The following MECOM variants were observed in gnomAD, a reference collection of about 807,000 sequenced individuals.
The protein encoded by MECOM is MDS1 and EVI1 complex locus.
In MECOM, 13 loss-of-function variants were observed where a neutral mutation model predicts 116.3. The ratio of observed to expected loss-of-function variants is 0.11; its 90% CI spans 0.07 to 0.18. MECOM has a LOEUF of 0.18. Among genes scored for constraint, MECOM ranks in the 10% least tolerant of loss-of-function variants. MECOM has a pLI of 1.00. For missense variants in MECOM, 1,299 were observed against 1,509.0 expected (o/e 0.86, Z 2.31); for synonymous variants, 528 against 535.2 (o/e 0.99, Z 0.19).
intron 2 of MECOM, among the ~76,000 whole-genome samples, chr3:169,250,943 T>G (rs989508971): frequency 6.6e-6 from 1 of 152,210 alleles, no homozygotes; most frequent in Non-Finnish European, 1.5e-5. Context: ...AAGATTCATC[T>G]CTACGATAAT....
In MECOM at chr3:169,147,036, C is replaced by A. The variant is rs567523344; in HGVS notation, c.376-3204G>T. ...ATGAAGTCTTCTTTCGTCTGGGTGA[C>A]CCGGGTTTGGTGTGTTTTGGCTTTT... On this transcript the variant is annotated intron_variant, in intron 2 of 16. Transcript: ENST00000651503. 8.1e-6 allele frequency: 8 copies of A among 991,462 alleles called. No individual in the cohort carries two copies. The East Asian group carries it at 7.7e-4, about 96-fold the overall frequency. 61.4% of individuals were successfully genotyped at this position (991,462 alleles called of 1,614,324 possible). A position where few individuals can be genotyped will look rare whatever the true frequency, so the allele number is the denominator to read the frequency against.
chr3:169,607,181 C>G (rs894786077), intron 1 of MECOM, among the ~76,000 whole-genome samples: 2 of 152,200 alleles, frequency 1.3e-5, no homozygotes, highest in East Asian at 3.8e-4. Context: ...TTCTCCCAAG[C>G]GCCACAGCAG....
At chr3:169,310,407 T>C (rs1051530178) in intron 2 of MECOM, among the ~76,000 whole-genome samples, 2 of 152,228 alleles carry the variant, frequency 1.3e-5, no homozygotes, top group Non-Finnish European at 2.9e-5. Flanking sequence ...GGCTATTCCA[T>C]GTGTCTCAAC....
rs973930078 is a variant in MECOM, at chr3:169,360,128, C to T, written c.375+21059G>A. On this transcript the variant is annotated intron_variant, in intron 2 of 16. Coordinates refer to ENST00000651503, the MANE Select transcript of MECOM (RefSeq NM_004991.4). ...ACTTTCAACCATAAATCCTTAACCA[C>T]ATAATTCAAGTATACCCCTTCTAAT... Among the ~76,000 whole-genome samples the T allele has an allele frequency of 9.2e-5, 14 of 151,600 alleles. No individual in the cohort carries two copies. In the East Asian group the frequency reaches 2.7e-3, roughly 30 times the overall value.
chr3:169,499,346 CAAAAA>C (rs60302997), intron 1 of MECOM, among the ~76,000 whole-genome samples: 1 of 51,568 alleles, frequency 1.9e-5, no homozygotes, highest in Non-Finnish European at 3.6e-5. Flanking sequence ...AGATTACCCA[CAAAAA>C]AAAAAAAAAA....
At chr3:169,375,147 A>G (rs1347657203) in intron 2 of MECOM, among the ~76,000 whole-genome samples, 1 of 151,812 alleles carries the variant, frequency 6.6e-6, no homozygotes, top group African/African-American at 2.4e-5. Flanking sequence ...CCCAGGTAGA[A>G]AGAACAGTGT....
At chr3:169,221,979 T>C (rs934161808) in intron 2 of MECOM, among the ~76,000 whole-genome samples, 13 of 152,112 alleles carry the variant, frequency 8.5e-5, no homozygotes, top group Admixed American at 8.5e-4. Flanking sequence ...TATTCTAGTC[T>C]TACATTATAG....
chr3:169,321,540 C>CAAAAAA (rs112385413), intron 2 of MECOM, among the ~76,000 whole-genome samples: 1 of 136,870 alleles, frequency 7.3e-6, no homozygotes, highest in African/African-American at 2.6e-5. Context: ...GACTCCGTCT[C>CAAAAAA]AAAAAAAAAA....
At chr3:169,117,904 G>A (rs929746755) in intron 7 of MECOM, among the ~76,000 whole-genome samples, 5 of 137,148 alleles carry the variant, frequency 3.6e-5, no homozygotes, top group South Asian at 4.7e-4. Context: ...ATTGAGCCAC[G>A]TTATGTGTGA....
intron 1 of MECOM, among the ~76,000 whole-genome samples, chr3:169,467,365 G>A (rs1279750766): frequency 1.3e-5 from 2 of 152,062 alleles, no homozygotes; most frequent in East Asian, 3.8e-4. Context: ...ACCTGACTGG[G>A]GATGTAGTTG....
intron 2 of MECOM, among the ~76,000 whole-genome samples, chr3:169,164,709 A>G (rs1743307390): frequency 6.6e-6 from 1 of 152,158 alleles, no homozygotes; most frequent in Non-Finnish European, 1.5e-5. Flanking sequence ...ATGTATGCTA[A>G]TAAAAACAAT....
At chr3:169,422,099 A>T (rs142723511) in intron 1 of MECOM, among the ~76,000 whole-genome samples, 2 of 152,228 alleles carry the variant, frequency 1.3e-5, no homozygotes, top group African/African-American at 4.8e-5. Flanking sequence ...AAAAAGATAG[A>T]TGTTATCCTA....
chr3:169,607,852 C>T (rs1379726083), intron 1 of MECOM, among the ~76,000 whole-genome samples: 1 of 152,212 alleles, frequency 6.6e-6, no homozygotes, highest in African/African-American at 2.4e-5. Flanking sequence ...GAATGGAAGG[C>T]TCTGCTTGGG....
intron 16 of MECOM, among the ~76,000 whole-genome samples, chr3:169,087,803 A>G (rs1718324392): frequency 1.3e-5 from 2 of 152,260 alleles, no homozygotes; most frequent in Non-Finnish European, 2.9e-5. Flanking sequence ...TCCCCATTGA[A>G]TAAAAATCCA....
At chr3:169,456,520 C>G (rs1218227789) in intron 1 of MECOM, among the ~76,000 whole-genome samples, 2 of 152,188 alleles carry the variant, frequency 1.3e-5, no homozygotes, top group Non-Finnish European at 2.9e-5. Context: ...AAAAGTTACT[C>G]TTGCCATGAG....
intron 2 of MECOM, among the ~76,000 whole-genome samples, chr3:169,276,109 A>G (rs933404723): frequency 3.9e-5 from 6 of 152,240 alleles, no homozygotes; most frequent in African/African-American, 1.4e-4. Context: ...CCATAGCCAC[A>G]CATCAAGTAT....
intron 2 of MECOM, among the ~76,000 whole-genome samples, chr3:169,225,402 G>A: frequency 6.6e-6 from 1 of 152,120 alleles, no homozygotes; most frequent in South Asian, 2.1e-4. Context: ...GTGGGCCAAG[G>A]AGAGTCAGGA....
At chr3:169,598,490 GA>G (rs1767418613) in intron 1 of MECOM, among the ~76,000 whole-genome samples, 2 of 152,318 alleles carry the variant, frequency 1.3e-5, no homozygotes, top group East Asian at 3.9e-4. Flanking sequence ...AATGTAAGAA[GA>G]TAGCAGAACA....
chr3:169,146,274 A>C, intron 2 of MECOM: 1 of 1,250,750 alleles, frequency 8.0e-7, no homozygotes, highest in Non-Finnish European at 1.0e-6. Context: ...GCAGCACACG[A>C]TGTTGGACAG....
Sources: allele counts gnomAD v4.1 joint callset (sites outside exome capture counted in the v4.1 genomes callset), GRCh38; gene constraint gnomAD v4.1.1; transcripts MANE v1.5; gene names NCBI Gene and HGNC (gene_info 2026-07-23, HGNC 2026-07-21).